PABPC1L: variants seen among roughly 807,000 people sequenced by gnomAD.
PABPC1L encodes the protein polyadenylate-binding protein 1-like.
A neutral mutation model predicts 66.6 loss-of-function variants in PABPC1L; 31 were observed. The ratio of observed to expected loss-of-function variants is 0.47; its 90% confidence interval spans 0.35 to 0.63. PABPC1L has a LOEUF of 0.63. Among genes scored for constraint, PABPC1L ranks in the 20% least tolerant of loss-of-function variants. The pLI, the probability that PABPC1L is intolerant of heterozygous loss-of-function variation, is 0.00. For missense variants in PABPC1L, 722 were observed against 848.8 expected (o/e 0.85, Z 1.86); for synonymous variants, 348 against 335.1 (o/e 1.04, Z -0.42).
At chr20:44,926,340 C>T (rs2066809117) in intron 7 of PABPC1L, among the ~76,000 whole-genome samples, 1 of 151,978 alleles carries the variant, frequency 6.6e-6, no homozygotes, top group Non-Finnish European at 1.5e-5. Context: ...GATTCTTCTC[C>T]CTCAGCCTCC....
chr20:44,932,551 C>A, intron 9 of PABPC1L, 119 bp downstream of exon 9: 1 of 814,284 alleles, frequency 1.2e-6, no homozygotes, highest in Non-Finnish European at 1.9e-6. Context: ...GACTTCACTT[C>A]TCTGAGCCTC....
chr20:44,936,672 G>A lies in PABPC1L; in HGVS notation c.1602G>A (p.Glu534=), dbSNP rs1239419185. 1 of 1,606,998 alleles carries A rather than the reference G, an allele frequency of 6.2e-7. No individual in the cohort carries two copies. Among genetic ancestry groups the A allele is most frequent in the Non-Finnish European group, 8.5e-7 (1 of 1,177,674 alleles). ...QEPAVHIPGQ[E]PLTASMLAAA... ...CGGCTGTGCACATCCCAGGACAGGA[G>A]CCCCTGACCGCGTCCATGCTGGCTG... The change falls in exon 12 of 15, where the codon GAG becomes GAA. Residue 534 remains glutamate, a synonymous_variant. Coordinates refer to ENST00000217073, the MANE Select transcript of PABPC1L (RefSeq NM_001372179.1).
chr20:44,919,746 G>A (rs115043943), intron 5 of PABPC1L, among the ~76,000 whole-genome samples: 2,687 of 152,232 alleles, frequency 0.018, 85 homozygotes, highest in African/African-American at 0.061. Flanking sequence ...CACTTGGGGA[G>A]GCTGGGTGGG....
At chr20:44,927,320 G>A (rs73296556) in intron 7 of PABPC1L, among the ~76,000 whole-genome samples, 1,822 of 151,812 alleles carry the variant, frequency 0.012, 30 homozygotes, top group African/African-American at 0.039. Flanking sequence ...ATTAACTACC[G>A]ACTGCCAGAA....
rs749499352 is a variant in PABPC1L, at chr20:44,938,143, C to G, written c.1743C>G (p.Asn581Lys). ...KITGMLLEID[N>K]SELLLMLESP... is the part of the protein sequence containing the mutation. Reference sequence around the variant, plus strand: ...CGGGCATGCTGCTGGAGATTGACAACTCAGAGCTGTTGCTCATGCTGGAGT... The same window carrying G: ...CGGGCATGCTGCTGGAGATTGACAAGTCAGAGCTGTTGCTCATGCTGGAGT... Residue 581 changes from asparagine to lysine, a missense_variant, in exon 13 of 15, where the codon AAC becomes AAG. This residue lies in a region of PABPC1L where 301 missense variants were observed against 337.2 expected (regional missense o/e 0.89). Transcript: ENST00000217073. 6.2e-7 allele frequency: 1 copy of G among 1,614,188 alleles called. No individual in the cohort carries two copies. Among genetic ancestry groups the G allele is most frequent in the East Asian group, 2.2e-5 (1 of 44,870 alleles).
chr20:44,933,061 C>T lies in PABPC1L; in HGVS notation c.1335C>T (p.Ala445=). 6.3e-7 allele frequency: 1 copy of T among 1,578,276 alleles called. No homozygotes were observed. The highest frequency in any genetic ancestry group is 8.6e-7 in the Non-Finnish European group (1 of 1,161,946). Residue 445 remains alanine, a synonymous_variant, in exon 10 of 15, where the codon GCC becomes GCT. Coordinates refer to ENST00000217073, the MANE Select transcript of PABPC1L (RefSeq NM_001372179.1). ...WTSQPPRPSS[A]YPPGASMVRP... ...CTGTGGTGTCTGCACCACAAGCTGC[C>T]TACCCTCCAGGTGCCTCAATGGTCC...
intron 10 of PABPC1L, among the ~76,000 whole-genome samples, chr20:44,934,108 C>G (rs1472935890): frequency 6.6e-6 from 1 of 152,154 alleles, no homozygotes; most frequent in Non-Finnish European, 1.5e-5. Context: ...GGCCTAAAGC[C>G]TGGTAAGTAT....
intron 6 of PABPC1L, among the ~76,000 whole-genome samples, chr20:44,922,423 A>T (rs567822926): frequency 1.3e-5 from 2 of 152,054 alleles, no homozygotes; most frequent in East Asian, 3.9e-4. Context: ...TTTTTAGTAG[A>T]GACAGGGTTT....
At chr20:44,935,782 G>A (rs2066896810) in intron 11 of PABPC1L, among the ~76,000 whole-genome samples, 1 of 152,166 alleles carries the variant, frequency 6.6e-6, no homozygotes, top group Non-Finnish European at 1.5e-5. Context: ...AGAATATGCT[G>A]ATTATTGAAG....
intron 7 of PABPC1L, among the ~76,000 whole-genome samples, chr20:44,928,864 CAAAAAAAAAAAAA>C (rs10597679): frequency 3.1e-4 from 17 of 54,360 alleles, no homozygotes; most frequent in Admixed American, 5.7e-4. Flanking sequence ...GATCCTGACT[CAAAAAAAAAAAAA>C]AAAAAAAAGA....
chr20:44,938,783 G>T (rs1234672457), intron 14 of PABPC1L, 35 bp downstream of exon 14: 5 of 1,587,332 alleles, frequency 3.1e-6, no homozygotes, highest in Non-Finnish European at 3.4e-6. Context: ...GCTGAGCCCG[G>T]GAGAAGCTGT....
chr20:44,928,851 T>A (rs1270740229), intron 7 of PABPC1L, among the ~76,000 whole-genome samples: 1 of 104,690 alleles, frequency 9.6e-6, no homozygotes, highest in East Asian at 2.7e-4. Flanking sequence ...AGTGACAGAG[T>A]GAGATCCTGA....
At chr20:44,924,356 TCAGGGGG>T in intron 7 of PABPC1L, 100 bp downstream of exon 7, 1 of 940,094 alleles carries the variant, frequency 1.1e-6, no homozygotes, top group Non-Finnish European at 1.6e-6. Flanking sequence ...CCAGCAGCCT[TCAGGGGG>T]TTGGTGCCGG....
At chr20:44,936,600 C>G (rs774309674) in intron 11 of PABPC1L, 37 bp from the exon 12 acceptor site, 35 of 1,505,334 alleles carry the variant, frequency 2.3e-5, no homozygotes, top group Non-Finnish European at 3.1e-5. Context: ...CATGCCTGTC[C>G]ATGGTGATTA....
chr20:44,922,677 A>G lies in PABPC1L; in HGVS notation c.876+946A>G, dbSNP rs572840413. Among the ~76,000 whole-genome samples the G allele has an allele frequency of 3.3e-5, 5 of 152,280 alleles. No individual in the cohort carries two copies. The South Asian group carries it at 1.0e-3, about 32-fold the overall frequency. Reference sequence around the variant, plus strand: ...TGAGCCACCACGCCTGGCCCCCTCTAAGATTTTTCATAAAAGTTCTAGATC... The same window carrying G: ...TGAGCCACCACGCCTGGCCCCCTCTGAGATTTTTCATAAAAGTTCTAGATC... On this transcript the variant is annotated intron_variant, in intron 6 of 14. Coordinates refer to ENST00000217073, the MANE Select transcript of PABPC1L (RefSeq NM_001372179.1).
At chr20:44,928,864 C>CAAAAAAAAAAAAAAAAAAAAA (rs10597679) in intron 7 of PABPC1L, among the ~76,000 whole-genome samples, 5 of 54,358 alleles carry the variant, frequency 9.2e-5, no homozygotes, top group Non-Finnish European at 1.2e-4. Context: ...GATCCTGACT[C>CAAAAAAAAAAAAAAAAAAAAA]AAAAAAAAAA....
At chr20:44,910,418 C>G (rs1258575550) in intron 1 of PABPC1L, 82 bp downstream of exon 1, 13 of 1,382,046 alleles carry the variant, frequency 9.4e-6, no homozygotes, top group Non-Finnish European at 1.2e-5. Flanking sequence ...GGGCCGCTTG[C>G]GCTTTCATCT....
intron 14 of PABPC1L, 109 bp from the exon 15 acceptor site, chr20:44,939,017 C>T: frequency 4.3e-6 from 3 of 702,108 alleles, no homozygotes; most frequent in Non-Finnish European, 2.6e-6. Context: ...CCCTGCCTGG[C>T]TCCATTCTGC....
At chr20:44,912,915 G>C (rs1410148409) in intron 2 of PABPC1L, 62 bp downstream of exon 2, 6 of 1,465,062 alleles carry the variant, frequency 4.1e-6, no homozygotes, top group Non-Finnish European at 5.6e-6. Context: ...CTGGTAGAGG[G>C]GTGACAAGCA....
Sources: gnomAD v4.1 joint callset for allele counts (sites outside exome capture counted in the v4.1 genomes callset) on GRCh38, gnomAD v4.1.1 for gene constraint, gnomAD v4.1.1 regional missense constraint, MANE v1.5 for transcripts, NCBI Gene and HGNC (gene_info 2026-07-23, HGNC 2026-07-21) for gene names.